Variants in METTL16 observed in about 807,000 individuals in gnomAD.
METTL16 encodes the protein RNA N(6)-adenosine-methyltransferase METTL16.
In METTL16, 19 loss-of-function variants were observed where a neutral mutation model predicts 57.9. The ratio of observed to expected loss-of-function variants is 0.33; its 90% confidence interval spans 0.23 to 0.48. The LOEUF (loss-of-function observed/expected upper bound fraction) is 0.48, where lower values mean the gene tolerates loss of function less well. Among genes scored for constraint, METTL16 ranks in the 20% least tolerant of loss-of-function variants. The pLI, the probability that METTL16 is intolerant of heterozygous loss-of-function variation, is 0.99. For missense variants in METTL16, 434 were observed against 691.5 expected (o/e 0.63, Z 4.18); for synonymous variants, 246 against 255.6 (o/e 0.96, Z 0.36).
At chr17:2,433,219 C>T (rs1219326036) in intron 8 of METTL16, among the ~76,000 whole-genome samples, 1 of 152,256 alleles carries the variant, frequency 6.6e-6, no homozygotes, top group East Asian at 1.9e-4. Flanking sequence ...AGGGAAGGAT[C>T]AGAACAGGGT....
chr17:2,464,086 G>A (rs979881745), intron 6 of METTL16, 122 bp downstream of exon 6: 6 of 1,019,694 alleles, frequency 5.9e-6, no homozygotes, highest in Non-Finnish European at 8.5e-6. Flanking sequence ...TCACGCCACT[G>A]CACTCCAGCC....
intron 2 of METTL16, among the ~76,000 whole-genome samples, chr17:2,498,467 G>A (rs766594926): frequency 4.6e-5 from 7 of 151,496 alleles, no homozygotes; most frequent in Admixed American, 1.3e-4. Flanking sequence ...GCTGGGCGCG[G>A]TGGCTCACGC....
At chr17:2,467,290 G>T (rs528028467) in intron 5 of METTL16, among the ~76,000 whole-genome samples, 50 of 152,248 alleles carry the variant, frequency 3.3e-4, no homozygotes, top group African/African-American at 1.1e-3. Context: ...ACGGGCGGGG[G>T]ACTGCTTGAG....
rs144970044 is a variant in METTL16, at chr17:2,428,895, G to A, written c.889-7991C>T. ...CTTTTTGAGACGGAGTTTTGCTCTT[G>A]TTGCCCAGGCTGGAGTGCAGTGGCA... On this transcript the variant is annotated intron_variant, in intron 8 of 9. Coordinates refer to ENST00000263092, the MANE Select transcript of METTL16 (RefSeq NM_024086.4). Among the ~76,000 whole-genome samples the A allele has an allele frequency of 7.4e-3, 1,131 of 152,140 alleles. 8 individuals are homozygous for A. The highest frequency in any genetic ancestry group is 0.021 in the African/African-American group (862 of 41,508).
intron 2 of METTL16, among the ~76,000 whole-genome samples, chr17:2,485,204 G>T (rs372222772): frequency 1.2e-4 from 18 of 152,284 alleles, no homozygotes; most frequent in African/African-American, 4.3e-4. Flanking sequence ...GCATGCGAGG[G>T]ATCTAGGTTG....
intron 1 of METTL16, among the ~76,000 whole-genome samples, chr17:2,507,034 G>A (rs960166514): frequency 6.6e-6 from 1 of 150,690 alleles, no homozygotes; most frequent in Non-Finnish European, 1.5e-5. Context: ...GGGAAGTGAG[G>A]ATCGTCTCCA....
intron 4 of METTL16, among the ~76,000 whole-genome samples, 158 bp from the exon 5 acceptor site, chr17:2,468,034 T>C (rs2067214118): frequency 6.6e-6 from 1 of 152,248 alleles, no homozygotes; most frequent in Non-Finnish European, 1.5e-5. Flanking sequence ...CTATGTTTGA[T>C]ATGCTTAGAT....
At chr17:2,439,707 C>T (rs1172066068) in intron 7 of METTL16, among the ~76,000 whole-genome samples, 1 of 152,106 alleles carries the variant, frequency 6.6e-6, no homozygotes, top group Non-Finnish European at 1.5e-5. Context: ...TGATTTCTGG[C>T]TTCTCTCTGA....
At chr17:2,505,369 T>C (rs2067523085) in intron 1 of METTL16, among the ~76,000 whole-genome samples, 1 of 148,006 alleles carries the variant, frequency 6.8e-6, no homozygotes. Flanking sequence ...TTTTTCCCTG[T>C]CCCCAACAAT....
intron 8 of METTL16, among the ~76,000 whole-genome samples, chr17:2,436,271 T>C (rs2066907999): frequency 6.6e-6 from 1 of 152,122 alleles, no homozygotes; most frequent in South Asian, 2.1e-4. Flanking sequence ...AAGCATCTTT[T>C]TAACCAGAGA....
chr17:2,510,111 T>C (rs1448107205), intron 1 of METTL16, among the ~76,000 whole-genome samples: 1 of 152,054 alleles, frequency 6.6e-6, no homozygotes, highest in African/African-American at 2.4e-5. Context: ...TTTCTTGTGA[T>C]TCTGGCAAGC....
intron 2 of METTL16, among the ~76,000 whole-genome samples, chr17:2,489,676 T>C (rs1406800828): frequency 8.5e-6 from 1 of 118,302 alleles, no homozygotes; most frequent in South Asian, 2.9e-4. Context: ...GAGGTGGAGG[T>C]TGCAGTGAGC....
chr17:2,499,306 G>A (rs2067470164), intron 2 of METTL16, among the ~76,000 whole-genome samples: 1 of 150,542 alleles, frequency 6.6e-6, no homozygotes, highest in South Asian at 2.1e-4. Flanking sequence ...GTATAGAGAG[G>A]AAACAAACAA....
intron 6 of METTL16, among the ~76,000 whole-genome samples, chr17:2,455,821 A>C (rs2067106116): frequency 6.6e-6 from 1 of 151,990 alleles, no homozygotes. Context: ...ATCTCTACAA[A>C]AAAATGCAAA....
At chr17:2,447,616 G>A (rs1419096143) in intron 6 of METTL16, among the ~76,000 whole-genome samples, 9 of 116,392 alleles carry the variant, frequency 7.7e-5, no homozygotes, top group South Asian at 6.5e-4. Flanking sequence ...CGCCCAGTCC[G>A]GGAGGTGAGG....
At chr17:2,471,391 C>T (rs986371774) in intron 4 of METTL16, among the ~76,000 whole-genome samples, 1 of 152,080 alleles carries the variant, frequency 6.6e-6, no homozygotes, top group Non-Finnish European at 1.5e-5. Flanking sequence ...AGGCTGGTCT[C>T]GAACTCCTGA....
intron 2 of METTL16, among the ~76,000 whole-genome samples, chr17:2,484,396 C>T (rs2067326968): frequency 6.6e-6 from 1 of 152,050 alleles, no homozygotes; most frequent in South Asian, 2.1e-4. Context: ...TGGACAGTAA[C>T]AAATAGTCTG....
chr17:2,442,556 A>C (rs2066961149), intron 6 of METTL16, among the ~76,000 whole-genome samples: 1 of 152,176 alleles, frequency 6.6e-6, no homozygotes, highest in African/African-American at 2.4e-5. Context: ...AATGGAGAAG[A>C]ATGATGAAAC....
chr17:2,455,496 A>G (rs1363195240), intron 6 of METTL16, among the ~76,000 whole-genome samples: 1 of 152,134 alleles, frequency 6.6e-6, no homozygotes, highest in Admixed American at 6.6e-5. Flanking sequence ...TATGTCACGT[A>G]GTCGGAAATG....
Sources: allele counts gnomAD v4.1 joint callset (sites outside exome capture counted in the v4.1 genomes callset), GRCh38; gene constraint gnomAD v4.1.1; transcripts MANE v1.5; gene names NCBI Gene and HGNC (gene_info 2026-07-23, HGNC 2026-07-21).